The following TLE1 variants were observed in gnomAD, a reference collection of about 807,000 sequenced individuals.
TLE1 encodes TLE family member 1, transcriptional corepressor.
TLE1 carries 21 observed loss-of-function variants against 89.8 expected under a neutral mutation model. The observed-to-expected ratio is 0.23, with a 90% CI of 0.17 to 0.34. The LOEUF (loss-of-function observed/expected upper bound fraction) is 0.34, where lower values mean the gene tolerates loss of function less well. Among genes scored for constraint, TLE1 ranks in the 10% least tolerant of loss-of-function variants. TLE1 has a pLI of 1.00. For missense variants in TLE1, 795 were observed against 1,031.2 expected (o/e 0.77, Z 3.14); for synonymous variants, 447 against 407.6 (o/e 1.10, Z -1.16).
At chr9:81,594,453 G>A (rs1157049998) in intron 14 of TLE1, among the ~76,000 whole-genome samples, 1 of 151,854 alleles carries the variant, frequency 6.6e-6, no homozygotes, top group Non-Finnish European at 1.5e-5. Flanking sequence ...AACCCTGCAT[G>A]TTCTCACTCA....
chr9:81,687,436 TG>T lies in TLE1; in HGVS notation c.25-3del. The T allele has an allele frequency of 2.5e-6, 4 of 1,607,564 alleles. No individual in the cohort carries two copies. Among genetic ancestry groups the T allele is most frequent in the South Asian group, 1.1e-5 (1 of 89,506 alleles). ...CTGGCCTGCAGCCTGGTGCGGCGTC[TG>T]GGGGCGACCAGCGAGGGGGACCGAG... On this transcript the variant is annotated splice_polypyrimidine_tract_variant and splice_region_variant and intron_variant, in intron 1 of 19. Transcript: ENST00000376499.
chr9:81,612,067 G>C, intron 12 of TLE1, 108 bp from the exon 13 acceptor site: 2 of 911,728 alleles, frequency 2.2e-6, no homozygotes, highest in South Asian at 8.9e-5. Flanking sequence ...GAGAGAGAAA[G>C]AGGTAAGGCT....
At chr9:81,656,133 A>C (rs1830125745) in intron 4 of TLE1, among the ~76,000 whole-genome samples, 1 of 152,170 alleles carries the variant, frequency 6.6e-6, no homozygotes, top group African/African-American at 2.4e-5. Flanking sequence ...CCAGCGAGGC[A>C]GATATATGCA....
At chr9:81,598,354 C>T (rs73650845) in intron 14 of TLE1, among the ~76,000 whole-genome samples, 4,251 of 152,228 alleles carry the variant, frequency 0.028, 216 homozygotes, top group African/African-American at 0.096. Context: ...AAGTACACGC[C>T]GCTTCCTCCC....
At chr9:81,686,828 T>C (rs1834348630) in intron 2 of TLE1, among the ~76,000 whole-genome samples, 1 of 152,208 alleles carries the variant, frequency 6.6e-6, no homozygotes, top group Non-Finnish European at 1.5e-5. Flanking sequence ...GTGAGCTTTC[T>C]TCTTTATACT....
intron 7 of TLE1, 38 bp downstream of exon 7, chr9:81,634,059 G>A (rs141659001): frequency 0.016 from 24,819 of 1,576,436 alleles, 239 homozygotes; most frequent in Non-Finnish European, 0.019. Context: ...GTAAGAGTAT[G>A]AGGACAAAGT....
At chr9:81,657,660 G>T (rs988406439) in intron 4 of TLE1, among the ~76,000 whole-genome samples, 13 of 152,066 alleles carry the variant, frequency 8.5e-5, no homozygotes, top group Admixed American at 1.3e-4. Flanking sequence ...GAATACAGTG[G>T]TCTCTCGGTA....
chr9:81,599,700 A>G (rs549325994), intron 14 of TLE1, among the ~76,000 whole-genome samples: 6 of 152,254 alleles, frequency 3.9e-5, no homozygotes, highest in South Asian at 2.1e-4. Context: ...GACATCTACA[A>G]AATTTTTCCA....
chr9:81,687,500 A>G, intron 1 of TLE1, 66 bp from the exon 2 acceptor site: 2 of 1,226,180 alleles, frequency 1.6e-6, no homozygotes, highest in Non-Finnish European at 2.4e-6. Flanking sequence ...GCAGTAAGTC[A>G]GAGAAGGCAA....
chr9:81,673,797 G>C (rs1336785021), intron 4 of TLE1, among the ~76,000 whole-genome samples: 1 of 152,052 alleles, frequency 6.6e-6, no homozygotes, highest in African/African-American at 2.4e-5. Flanking sequence ...CATTGGAAAA[G>C]CTTACTGTAA....
rs778422903 is a variant in TLE1, at chr9:81,633,331, G to A, written c.594+17C>T. 25 of 1,611,592 alleles carry A rather than the reference G, an allele frequency of 1.6e-5. No homozygotes were observed. Among genetic ancestry groups the A allele is most frequent in the Non-Finnish European group, 2.0e-5 (24 of 1,179,432 alleles). ...TGTGTGTGTGTGTGTGTGTGCAGCA[G>A]GCGTTTGAGTACTTACTGTGCCCGG... On this transcript the variant is annotated intron_variant, in intron 8 of 19. Coordinates refer to ENST00000376499, the MANE Select transcript of TLE1 (RefSeq NM_005077.5).
At chr9:81,672,787 C>G (rs1832392947) in intron 4 of TLE1, among the ~76,000 whole-genome samples, 1 of 151,996 alleles carries the variant, frequency 6.6e-6, no homozygotes, top group South Asian at 2.1e-4. Context: ...TGAAATATAC[C>G]TCCTAGTCCT....
chr9:81,682,252 CAAAAA>C (rs748984572), intron 4 of TLE1, among the ~76,000 whole-genome samples: 1 of 97,358 alleles, frequency 1.0e-5, no homozygotes, highest in Non-Finnish European at 2.1e-5. Flanking sequence ...GATTCCATCT[CAAAAA>C]AAAAAAAAAA....
At chr9:81,688,079 G>GC in intron 1 of TLE1, 138 bp downstream of exon 1, 1 of 1,089,798 alleles carries the variant, frequency 9.2e-7, no homozygotes, top group South Asian at 1.4e-5. Flanking sequence ...GGAAGAGAGG[G>GC]CCCCAGACCT....
In TLE1 at chr9:81,610,405, G is replaced by C. The variant is rs143570155; in HGVS notation, c.1255-109C>G. On this transcript the variant is annotated intron_variant, in intron 13 of 19. Transcript: ENST00000376499. ...CAGATCCCCAAAGCAACATAAATGG[G>C]AACAGTAACATGGCCTAGTGTTTTT... 525 of 797,672 alleles carry C rather than the reference G, an allele frequency of 6.6e-4. 2 individuals are homozygous for C. In the African/African-American group the frequency reaches 8.0e-3, roughly 12 times the overall value. 49.4% of individuals were successfully genotyped at this position (797,672 alleles called of 1,614,324 possible).
Position 81,598,954 on chromosome 9 carries a change from A to C in TLE1, c.1332-5680T>G, listed in dbSNP as rs1023006160. On this transcript the variant is annotated intron_variant, in intron 14 of 19. Transcript: ENST00000376499. ...CAGGACCCACACAGTCAAGTGCAAG[A>C]AGTCAGAAGGCACAAGCAATTGCTT... Among the ~76,000 whole-genome samples, 3 of 152,176 alleles carry C rather than the reference A, an allele frequency of 2.0e-5. No individual in the cohort carries two copies. The East Asian group carries it at 5.8e-4, about 29-fold the overall frequency.
Position 81,613,360 on chromosome 9 carries a change from A to G in TLE1, c.1063+17T>C. 2 of 1,611,060 alleles carry G rather than the reference A, an allele frequency of 1.2e-6. No homozygotes were observed. Among genetic ancestry groups the G allele is most frequent in the Non-Finnish European group, 1.7e-6 (2 of 1,178,714 alleles). ...TGGGAGAAACCAAACAAAGCACAAC[A>G]AGAGGCGATGCTGTACCCGCTTGGT... On this transcript the variant is annotated intron_variant, in intron 12 of 19. Transcript: ENST00000376499.
chr9:81,648,375 G>T (rs570573273), intron 6 of TLE1, among the ~76,000 whole-genome samples: 1 of 151,732 alleles, frequency 6.6e-6, no homozygotes, highest in Admixed American at 6.6e-5. Flanking sequence ...GGGAAAAACT[G>T]TAAGAATAAT....
At chr9:81,598,991 C>G (rs1187453679) in intron 14 of TLE1, among the ~76,000 whole-genome samples, 2 of 152,138 alleles carry the variant, frequency 1.3e-5, no homozygotes, top group African/African-American at 4.8e-5. Context: ...AGTTTAATGA[C>G]CAGTAACATG....
Sources: gnomAD v4.1 joint callset for allele counts (sites outside exome capture counted in the v4.1 genomes callset) on GRCh38, gnomAD v4.1.1 for gene constraint, MANE v1.5 for transcripts, NCBI Gene and HGNC (gene_info 2026-07-23, HGNC 2026-07-21) for gene names.